Variants in SC5D observed in about 807,000 individuals in gnomAD.
The protein encoded by SC5D is lathosterol oxidase.
A neutral mutation model predicts 23.9 loss-of-function variants in SC5D; 21 were observed. That is an observed-to-expected ratio of 0.88 (90% CI 0.62 to 1.26). SC5D has a LOEUF of 1.26. Among genes scored for constraint, SC5D ranks in the 50% most tolerant of loss-of-function variants. The pLI is 0.00. For synonymous variants in SC5D, 113 were observed against 125.9 expected, an observed-to-expected ratio of 0.90 and a Z score of 0.68; for missense variants, 309 against 364.8, an observed-to-expected ratio of 0.85 and a Z score of 1.25.
intron 3 of SC5D, 76 bp downstream of exon 3, chr11:121,304,569 C>CT (rs10712296): frequency 7.6e-3 from 8,303 of 1,088,672 alleles, no homozygotes; most frequent in Non-Finnish European, 9.1e-3. Flanking sequence ...CAAGTCTGCC[C>CT]TTTTTTTTTT....
Position 121,312,657 on chromosome 11 carries a change from G to A in SC5D, c.*5145G>A, listed in dbSNP as rs1948019808. Among the ~76,000 whole-genome samples the A allele has an allele frequency of 6.6e-6, 1 of 152,044 alleles. No individual in the cohort carries two copies. Among genetic ancestry groups the A allele is most frequent in the South Asian group, 2.1e-4 (1 of 4,834 alleles). The stretch of plus-strand genomic sequence containing the variant: ...TTTTATTCATTTCTTGAATAATTTT[G>A]TTATATCTTCCTCTTTTAGGCTGCA... On this transcript the variant is annotated 3_prime_UTR_variant, in exon 5 of 5. Transcript: ENST00000264027.
At chr11:121,303,963 G>A (rs1020032092) in intron 2 of SC5D, 1 of 256,226 alleles carries the variant, frequency 3.9e-6, no homozygotes, top group South Asian at 4.9e-5. Flanking sequence ...TTCAAACTCA[G>A]TAGTTTTAAA....
At chr11:121,298,156 G>A (rs1403899707) in intron 1 of SC5D, among the ~76,000 whole-genome samples, 3 of 151,230 alleles carry the variant, frequency 2.0e-5, no homozygotes, top group Admixed American at 6.6e-5. Flanking sequence ...TGTGCACCAC[G>A]CCCGGCTAAT....
chr11:121,311,583 T>A lies in SC5D; in HGVS notation c.*4071T>A, dbSNP rs1160328616. On this transcript the variant is annotated 3_prime_UTR_variant, in exon 5 of 5. Transcript: ENST00000264027. ...AGCACTCTGGGTAAAAGAAAAAAGA[T>A]CCTCAAAGATATTAGTTGGTTACAT... Among the ~76,000 whole-genome samples the A allele has an allele frequency of 2.0e-5, 3 of 152,300 alleles. No individual in the cohort carries two copies. The highest frequency in any genetic ancestry group is 7.2e-5 in the African/African-American group (3 of 41,572).
rs1591506331 is a variant in SC5D at position 121,308,652 on chromosome 11, A to G, written c.*1140A>G. 4.6e-5 allele frequency: 7 copies of G among 152,808 alleles called. No homozygotes were observed. In the South Asian group the frequency reaches 1.4e-3, roughly 32 times the overall value. The allele number at this position is 152,808 out of a possible 1,614,324, so 9.5% of individuals were successfully genotyped here. On this transcript the variant is annotated 3_prime_UTR_variant, in exon 5 of 5. Transcript: ENST00000264027. The stretch of plus-strand genomic sequence containing the variant: ...AATTAAACTGTATCAGTTGAGTATT[A>G]TAGCAGCACAAAGTATTCTTTGTAC...
Position 121,307,644 on chromosome 11 carries a change from G to A in SC5D, c.*132G>A, listed in dbSNP as rs1163512975. 8 of 664,798 alleles carry A rather than the reference G, an allele frequency of 1.2e-5. No individual in the cohort carries two copies. The highest frequency in any genetic ancestry group is 5.5e-5 in the East Asian group (2 of 36,628). The allele number at this position is 664,798 out of a possible 1,614,324, so 41.2% of individuals were successfully genotyped here. On this transcript the variant is annotated 3_prime_UTR_variant, in exon 5 of 5. Coordinates refer to ENST00000264027, the MANE Select transcript of SC5D (RefSeq NM_006918.5). ...ATGGTATCATTTGGAAATCAGCATC[G>A]TGGGCACTGCTGAGGAATGATCCTA...
Position 121,304,452 on chromosome 11 carries a change from GT to G in SC5D, c.304del (p.Tyr102ThrfsTer8). 1 of 1,612,850 alleles carries G rather than the reference GT, an allele frequency of 6.2e-7. No homozygotes were observed. The highest frequency in any genetic ancestry group is 8.5e-7 in the Non-Finnish European group (1 of 1,179,014). On this transcript the variant is annotated frameshift_variant, in exon 3 of 5. Transcript: ENST00000264027. LOFTEE classifies it high-confidence loss of function. The stretch of plus-strand genomic sequence containing the variant: ...GCACTGTTCTTGCTGGAGATAAGAG[GT>G]TACAGCAAATTACATGATGACCTAG... ...TVALFLLEIR[G>X]YSKLHDDLGE...
At chr11:121,298,528 T>A (rs746419944) in intron 1 of SC5D, among the ~76,000 whole-genome samples, 3 of 152,234 alleles carry the variant, frequency 2.0e-5, no homozygotes, top group Non-Finnish European at 4.4e-5. Context: ...TTTGGAAGAT[T>A]TTCTATCACT....
intron 1 of SC5D, among the ~76,000 whole-genome samples, chr11:121,295,485 A>C (rs993143439): frequency 6.6e-6 from 1 of 152,246 alleles, no homozygotes; most frequent in African/African-American, 2.4e-5. Context: ...GGAAGCAATC[A>C]GAAATCCATT....
At chr11:121,305,286 T>C (rs2134269071) in intron 3 of SC5D, 1 of 151,454 alleles carries the variant, frequency 6.6e-6, no homozygotes, top group Middle Eastern at 3.4e-3. Flanking sequence ...TCCATTGTTT[T>C]CCTACAATTC....
rs866993691 is a variant in SC5D, at chr11:121,308,901, A to G, written c.*1389A>G. On this transcript the variant is annotated 3_prime_UTR_variant, in exon 5 of 5. Transcript: ENST00000264027. The stretch of plus-strand genomic sequence containing the variant: ...CTTTAATCTGTGAGTTATTGTCACA[A>G]TGTCATCTTATTTAAATGTACCAAT... Among the ~76,000 whole-genome samples the G allele has an allele frequency of 3.3e-5, 5 of 152,238 alleles. No homozygotes were observed. Among genetic ancestry groups the G allele is most frequent in the African/African-American group, 7.2e-5 (3 of 41,474 alleles).
Position 121,307,376 on chromosome 11 carries a change from A to G in SC5D, c.764A>G (p.Lys255Arg). The G allele has an allele frequency of 6.2e-7, 1 of 1,614,038 alleles. No homozygotes were observed. The highest frequency in any genetic ancestry group is 8.5e-7 in the Non-Finnish European group (1 of 1,179,908). Residue 255 changes from lysine to arginine, a missense_variant, in exon 5 of 5, where the codon AAA becomes AGA. By Grantham distance (26) the Lys-to-Arg change is conservative. Coordinates refer to ENST00000264027, the MANE Select transcript of SC5D (RefSeq NM_006918.5). The part of the protein sequence containing the change: ...TLWDRIGGSF[K>R]NPSSFEGKGP... ...TGGGATAGGATTGGCGGCTCATTCA[A>G]AAATCCTTCATCCTTTGAGGGGAAG...
At position 121,306,385 on chromosome 11, in the gene SC5D, G is replaced by T; in HGVS notation, c.344-1G>T. 1.4e-6 allele frequency: 2 copies of T among 1,478,586 alleles called. No individual in the cohort carries two copies. Among genetic ancestry groups the T allele is most frequent in the Non-Finnish European group, 1.9e-6 (2 of 1,057,650 alleles). 91.6% of individuals were successfully genotyped at this position (1,478,586 alleles called of 1,614,324 possible). A position where few individuals can be genotyped will look rare whatever the true frequency, so the allele number is the denominator to read the frequency against. Reference sequence around the variant, plus strand: ...CTTCTGTTTCCCGTTTTCTTTTCTAGGATTGTTTGAACTTGTCGTTAGTAT... The same window carrying T: ...CTTCTGTTTCCCGTTTTCTTTTCTATGATTGTTTGAACTTGTCGTTAGTAT... On this transcript the variant is annotated splice_acceptor_variant, in intron 3 of 4. Coordinates refer to ENST00000264027, the MANE Select transcript of SC5D (RefSeq NM_006918.5). LOFTEE classifies it high-confidence loss of function.
At chr11:121,305,383 C>T (rs1310746732) in intron 3 of SC5D, 1 of 151,346 alleles carries the variant, frequency 6.6e-6, no homozygotes, top group Non-Finnish European at 1.5e-5. Flanking sequence ...GGTGGTAGAT[C>T]TGAGACTTGG....
chr11:121,303,255 C>T, intron 1 of SC5D, 111 bp from the exon 2 acceptor site: 1 of 777,062 alleles, frequency 1.3e-6, no homozygotes, highest in Admixed American at 1.9e-5. Flanking sequence ...AGCAGATGTA[C>T]TGCATATGAC....
chr11:121,303,348 C>A lies in SC5D; in HGVS notation c.-10-18C>A. 1 of 1,604,160 alleles carries A rather than the reference C, an allele frequency of 6.2e-7. No homozygotes were observed. Among genetic ancestry groups the A allele is most frequent in the Non-Finnish European group, 8.5e-7 (1 of 1,171,036 alleles). On this transcript the variant is annotated intron_variant, in intron 1 of 4. Coordinates refer to ENST00000264027, the MANE Select transcript of SC5D (RefSeq NM_006918.5). ...ATAGAGACATGGTAACTAATTGTCA[C>A]ACATGCTTATTTTTTAGGGGCTAAG... is the stretch of plus-strand genomic sequence containing the variant.
At chr11:121,298,437 G>A (rs1242698731) in intron 1 of SC5D, among the ~76,000 whole-genome samples, 2 of 152,204 alleles carry the variant, frequency 1.3e-5, no homozygotes, top group South Asian at 4.1e-4. Context: ...CTTAATGCTT[G>A]AAATGATGTT....
At chr11:121,298,961 T>A (rs898261244) in intron 1 of SC5D, among the ~76,000 whole-genome samples, 5 of 152,224 alleles carry the variant, frequency 3.3e-5, no homozygotes, top group African/African-American at 4.8e-5. Flanking sequence ...TACAAGGTAA[T>A]GTCATCAGTT....
chr11:121,306,850 A>G, intron 4 of SC5D: 1 of 653,800 alleles, frequency 1.5e-6, no homozygotes, highest in Middle Eastern at 2.8e-4. Context: ...ACTGTGCAGT[A>G]TATCCATGGA....
Sources: gnomAD v4.1 joint callset for allele counts (sites outside exome capture counted in the v4.1 genomes callset) on GRCh38, gnomAD v4.1.1 for gene constraint, MANE v1.5 for transcripts, NCBI Gene and HGNC (gene_info 2026-07-23, HGNC 2026-07-21) for gene names.